C4orf51: variants seen among roughly 807,000 people sequenced by gnomAD.
The protein encoded by C4orf51 is chromosome 4 open reading frame 51.
Under a neutral mutation model 25.2 loss-of-function variants are expected in C4orf51, and 25 were observed. The ratio of observed to expected loss-of-function variants is 0.99; its 90% CI spans 0.72 to 1.39. The LOEUF (loss-of-function observed/expected upper bound fraction) is 1.39, where lower values mean the gene tolerates loss of function less well. Ranked by LOEUF, C4orf51 falls within the 40% of genes most tolerant of loss-of-function variation. The pLI is 0.00. For missense variants in C4orf51, 252 were observed against 239.6 expected, an observed-to-expected ratio of 1.05 and a Z score of -0.34; for synonymous variants, 100 against 84.5, an observed-to-expected ratio of 1.18 and a Z score of -1.01.
intron 2 of C4orf51, among the ~76,000 whole-genome samples, chr4:145,714,732 G>A (rs1731311145): frequency 6.6e-6 from 1 of 152,170 alleles, no homozygotes; most frequent in Admixed American, 6.5e-5. Context: ...ATTGCTCAAA[G>A]TCTTGAGTTA....
chr4:145,734,438 G>T (rs1278712532), downstream of C4orf51, among the ~76,000 whole-genome samples: 1 of 152,112 alleles, frequency 6.6e-6, no homozygotes, highest in Non-Finnish European at 1.5e-5. Flanking sequence ...AGAGACCTGG[G>T]CATCAAGAGC....
intron 2 of C4orf51, among the ~76,000 whole-genome samples, chr4:145,723,547 T>G (rs930874681): frequency 5.9e-5 from 9 of 152,172 alleles, no homozygotes; most frequent in African/African-American, 2.2e-4. Context: ...AGCCTACACT[T>G]GCTTTCTTGA....
chr4:145,692,899 G>T (rs1410870905), intron 1 of C4orf51, among the ~76,000 whole-genome samples: 1 of 144,834 alleles, frequency 6.9e-6, no homozygotes, highest in African/African-American at 2.5e-5. Flanking sequence ...TGTTTCAAAG[G>T]ATACACACTG....
chr4:145,741,456 G>A (rs1487657960), intron 1 of C4orf51, among the ~76,000 whole-genome samples: 3 of 152,046 alleles, frequency 2.0e-5, no homozygotes, highest in Non-Finnish European at 4.4e-5. Context: ...GTCCTGGTGG[G>A]CAGCAATAGT....
intron 1 of C4orf51, among the ~76,000 whole-genome samples, chr4:145,686,387 T>G (rs1260293925): frequency 6.6e-6 from 1 of 152,164 alleles, no homozygotes; most frequent in African/African-American, 2.4e-5. Flanking sequence ...CACTTAAAAA[T>G]AACTAAAATG....
chr4:145,772,524 A>G (rs961054239), downstream of C4orf51, among the ~76,000 whole-genome samples: 5 of 152,198 alleles, frequency 3.3e-5, no homozygotes, highest in Admixed American at 6.5e-5. Context: ...CTGTTTTTAT[A>G]AATAAAGTTT....
downstream of C4orf51, chr4:145,757,578 CCAA>C (rs914194755): frequency 6.6e-6 from 1 of 150,518 alleles, no homozygotes; most frequent in Non-Finnish European, 1.5e-5. Flanking sequence ...AACCCTGAGA[CCAA>C]CAAGCAGCCA....
chr4:145,701,467 T>C (rs1332876173), intron 2 of C4orf51, among the ~76,000 whole-genome samples: 1 of 152,040 alleles, frequency 6.6e-6, no homozygotes, highest in East Asian at 1.9e-4. Flanking sequence ...CCACTGGAAA[T>C]TGGACTGTTC....
chr4:145,692,645 G>A (rs1015659367), intron 1 of C4orf51, among the ~76,000 whole-genome samples: 1 of 152,154 alleles, frequency 6.6e-6, no homozygotes, highest in African/African-American at 2.4e-5. Flanking sequence ...ACATGTATAG[G>A]AATATTTTAG....
In C4orf51 at chr4:145,694,684, G is replaced by A. The variant is rs112785505; in HGVS notation, c.234-1875G>A. Among the ~76,000 whole-genome samples the A allele has an allele frequency of 1.4e-4, 11 of 80,506 alleles. No individual in the cohort carries two copies. The East Asian group carries it at 2.7e-3, about 20-fold the overall frequency. 52.8% of individuals were successfully genotyped at this position (80,506 alleles called of 152,430 possible). A position where few individuals can be genotyped will look rare whatever the true frequency, so the allele number is the denominator to read the frequency against. On this transcript the variant is annotated intron_variant, in intron 1 of 5. Transcript: ENST00000438731. Reference sequence around the variant, plus strand: ...CCTCCGCCCGGCCAGCCGCCCCGTCGGGGAGGTGAGGGGCGCCTCTGCCCG... The same window carrying A: ...CCTCCGCCCGGCCAGCCGCCCCGTCAGGGAGGTGAGGGGCGCCTCTGCCCG...
Position 145,680,366 on chromosome 4 carries a change from A to T in C4orf51, c.163A>T (p.Lys55Ter), listed in dbSNP as rs1306772180. ...AACATACACAGGCAGTTACCGGAAAAAACAACTGGACAAGTCCATGTGCAG... is the reference window on the plus strand; with the variant it reads ...AACATACACAGGCAGTTACCGGAAATAACAACTGGACAAGTCCATGTGCAG... ...VTTYTGSYRK[K>*]QLDKSMCSQF... Residue 55 changes from lysine (K) to a stop codon, truncating the protein, a stop_gained, in exon 1 of 6, where the codon AAA (lysine) becomes TAA (stop). Transcript: ENST00000438731. LOFTEE classifies it high-confidence loss of function. 1 of 1,613,980 alleles carries T rather than the reference A, an allele frequency of 6.2e-7. No homozygotes were observed. Among genetic ancestry groups the T allele is most frequent in the East Asian group, 2.2e-5 (1 of 44,882 alleles).
chr4:145,722,430 T>C (rs1295490356), intron 2 of C4orf51, among the ~76,000 whole-genome samples: 1 of 152,178 alleles, frequency 6.6e-6, no homozygotes, highest in East Asian at 1.9e-4. Flanking sequence ...TCAAAAAAAG[T>C]CTGACATTTT....
At chr4:145,782,731 C>A in the C4orf51 span, among the ~76,000 whole-genome samples, 2 of 152,208 alleles carry the variant, frequency 1.3e-5, no homozygotes, top group Non-Finnish European at 2.9e-5. Context: ...AAACTTCTGG[C>A]TTCTGAGTCC....
In C4orf51 at chr4:145,732,532, G is replaced by C; in HGVS notation, c.581G>C (p.Trp194Ser). 1 of 1,610,108 alleles carries C rather than the reference G, an allele frequency of 6.2e-7. No individual in the cohort carries two copies. The highest frequency in any genetic ancestry group is 8.5e-7 in the Non-Finnish European group (1 of 1,178,504). Residue 194 changes from tryptophan to serine, a missense_variant, in exon 6 of 6, where the codon TGG becomes TCG. Trp to Ser is a radical substitution (Grantham distance 177). Coordinates refer to ENST00000438731, the MANE Select transcript of C4orf51 (RefSeq NM_001080531.3). Reference protein sequence around the residue: ...SEADRYSDYGWGGPSSPFN With the variant: ...SEADRYSDYGSGGPSSPFN ...GCTGATCGATACTCCGATTATGGCT[G>C]GGGAGGACCCTCATCGCCATTTAAC...
intron 1 of C4orf51, among the ~76,000 whole-genome samples, chr4:145,766,116 C>T (rs950835515): frequency 6.6e-6 from 1 of 152,154 alleles, no homozygotes; most frequent in African/African-American, 2.4e-5. Flanking sequence ...CCCCATTTTA[C>T]GATGAGGGAA....
the C4orf51 span, among the ~76,000 whole-genome samples, chr4:145,781,195 C>CAAAAAAAAAAAAAA: frequency 6.2e-4 from 35 of 56,538 alleles, no homozygotes; most frequent in Admixed American, 7.4e-4. Flanking sequence ...GACACCATCT[C>CAAAAAAAAAAAAAA]AAAAAAAAAA....
intron 1 of C4orf51, among the ~76,000 whole-genome samples, chr4:145,683,109 A>G (rs985868186): frequency 3.9e-5 from 6 of 152,208 alleles, no homozygotes; most frequent in African/African-American, 1.4e-4. Flanking sequence ...TATATGAGCA[A>G]TAAGCAAGTG....
Position 145,750,914 on chromosome 4 carries a change from A to G in C4orf51, n.168-3293A>G, listed in dbSNP as rs1022317878. On this transcript the variant is annotated intron_variant and non_coding_transcript_variant, in intron 1 of 1. Transcript: ENST00000508981. ...GGTCAACAATTCCTTCTGCTTGATC[A>G]ATTCTGCTGTTAAGAGATTCCGTTG... Among the ~76,000 whole-genome samples, 5 of 152,004 alleles carry G rather than the reference A, an allele frequency of 3.3e-5. No individual in the cohort carries two copies. In the South Asian group the frequency reaches 1.0e-3, roughly 32 times the overall value.
intron 1 of C4orf51, among the ~76,000 whole-genome samples, chr4:145,766,102 T>C (rs958190013): frequency 2.0e-5 from 3 of 152,202 alleles, no homozygotes; most frequent in Non-Finnish European, 2.9e-5. Context: ...ACAACTGTTA[T>C]CAGCCCCATT....
Sources: allele counts gnomAD v4.1 joint callset (sites outside exome capture counted in the v4.1 genomes callset), GRCh38; gene constraint gnomAD v4.1.1; transcripts MANE v1.5; gene names NCBI Gene and HGNC (gene_info 2026-07-23, HGNC 2026-07-21).